Variants in PTPRD observed in about 807,000 individuals in gnomAD.
PTPRD encodes the protein protein tyrosine phosphatase receptor type D.
In PTPRD, 34 loss-of-function variants were observed where a neutral mutation model predicts 214.5. That is an observed-to-expected ratio of 0.16 (90% CI 0.12 to 0.21). The LOEUF (loss-of-function observed/expected upper bound fraction) is 0.21, where lower values mean the gene tolerates loss of function less well. Among genes scored for constraint, PTPRD ranks in the 10% least tolerant of loss-of-function variants. The pLI is 1.00. For missense variants in PTPRD, 2,545 were observed against 2,398.7 expected (o/e 1.06, Z -1.27); for synonymous variants, 1,128 against 845.7 (o/e 1.33, Z -5.79).
chr9:9,716,659 G>A (rs1009781314), intron 7 of PTPRD, among the ~76,000 whole-genome samples: 4 of 152,312 alleles, frequency 2.6e-5, no homozygotes, highest in Non-Finnish European at 1.5e-5. Context: ...CTTCTTTAGA[G>A]AAGTGTCTGT....
intron 12 of PTPRD, among the ~76,000 whole-genome samples, chr9:8,693,888 C>T (rs1274990278): frequency 6.6e-6 from 1 of 152,172 alleles, no homozygotes; most frequent in Non-Finnish European, 1.5e-5. Flanking sequence ...TCTCTATAGA[C>T]TTGTTAATAG....
chr9:9,842,806 T>G (rs2058652197), intron 5 of PTPRD, among the ~76,000 whole-genome samples: 1 of 152,048 alleles, frequency 6.6e-6, no homozygotes, highest in Admixed American at 6.6e-5. Context: ...GGGAATGTCT[T>G]TTTACGTATT....
chr9:9,328,577 AATTTTCTTTTTGATCAC>A (rs2040978791), intron 9 of PTPRD, among the ~76,000 whole-genome samples: 1 of 148,254 alleles, frequency 6.7e-6, no homozygotes, highest in Non-Finnish European at 1.5e-5. Context: ...AACATGGTCA[AATTTTCTTTTTGATCAC>A]ATTTTCTTTT....
chr9:9,751,555 A>T (rs141991776), intron 6 of PTPRD, among the ~76,000 whole-genome samples: 64 of 152,304 alleles, frequency 4.2e-4, no homozygotes, highest in East Asian at 1.5e-3. Context: ...TTAACAGAGG[A>T]AATCAAATTA....
intron 2 of PTPRD, among the ~76,000 whole-genome samples, chr9:10,503,200 A>AAAAAAAAC (rs1167486069): frequency 2.5e-5 from 3 of 122,094 alleles, no homozygotes; most frequent in East Asian, 2.1e-4. Flanking sequence ...ATACAAAAAA[A>AAAAAAAAC]AAAAAAACAA....
At chr9:10,245,168 C>G (rs1048302790) in intron 3 of PTPRD, among the ~76,000 whole-genome samples, 4 of 152,030 alleles carry the variant, frequency 2.6e-5, no homozygotes, top group Non-Finnish European at 4.4e-5. Context: ...CTCAGCTGAG[C>G]AAAATGTAGA....
intron 5 of PTPRD, among the ~76,000 whole-genome samples, chr9:9,769,317 CTTTTTTT>C (rs34497562): frequency 5.7e-5 from 4 of 69,594 alleles, no homozygotes; most frequent in African/African-American, 2.3e-4. Flanking sequence ...ACCAGAAGCC[CTTTTTTT>C]TTTTTTTTTT....
chr9:9,196,561 G>C (rs572141238), intron 9 of PTPRD, among the ~76,000 whole-genome samples: 1 of 152,026 alleles, frequency 6.6e-6, no homozygotes, highest in Non-Finnish European at 1.5e-5. Flanking sequence ...TACTTTATAC[G>C]GTTATGCCAT....
At chr9:9,627,687 G>C (rs997709972) in intron 7 of PTPRD, among the ~76,000 whole-genome samples, 1 of 152,204 alleles carries the variant, frequency 6.6e-6, no homozygotes, top group Non-Finnish European at 1.5e-5. Flanking sequence ...CAGTGGTAGA[G>C]AGAGAGAGCT....
At chr9:9,742,916 C>G (rs1338327202) in intron 6 of PTPRD, among the ~76,000 whole-genome samples, 2 of 152,106 alleles carry the variant, frequency 1.3e-5, no homozygotes, top group South Asian at 2.1e-4. Flanking sequence ...ATAGAGAGAC[C>G]TAAAATCAAT....
chr9:10,232,239 C>T lies in PTPRD; in HGVS notation c.-545+108724G>A, dbSNP rs137905483. Among the ~76,000 whole-genome samples, 728 of 151,894 alleles carry T rather than the reference C, an allele frequency of 4.8e-3. 11 individuals carry two copies. The highest frequency in any genetic ancestry group is 0.016 in the African/African-American group (683 of 41,446). ...ACCTTTTTTCCTTTATAAGTTTCTCCGGTTCAGGTATTCTGTTACAGCCAC... is the reference window on the plus strand; with the variant it reads ...ACCTTTTTTCCTTTATAAGTTTCTCTGGTTCAGGTATTCTGTTACAGCCAC... On this transcript the variant is annotated intron_variant, in intron 3 of 45. Transcript: ENST00000381196.
intron 7 of PTPRD, among the ~76,000 whole-genome samples, chr9:9,651,544 T>C (rs2096350285): frequency 6.6e-6 from 1 of 152,136 alleles, no homozygotes; most frequent in African/African-American, 2.4e-5. Context: ...GACCTCCAGC[T>C]CCATCCATGT....
intron 3 of PTPRD, among the ~76,000 whole-genome samples, chr9:10,054,780 T>C (rs574500280): frequency 1.3e-5 from 2 of 152,250 alleles, no homozygotes; most frequent in Admixed American, 6.5e-5. Flanking sequence ...TAAAGTTGAA[T>C]ACAGTCTTTT....
chr9:9,268,578 C>T (rs1941266818), intron 9 of PTPRD, among the ~76,000 whole-genome samples: 1 of 151,044 alleles, frequency 6.6e-6, no homozygotes, highest in East Asian at 2.0e-4. Context: ...TTGAGAAGAA[C>T]AAAGCTGGAG....
intron 11 of PTPRD, among the ~76,000 whole-genome samples, chr9:8,858,877 G>A (rs906817741): frequency 2.6e-5 from 4 of 151,858 alleles, no homozygotes. Context: ...GGAGGGGGCG[G>A]GGTGACGTCA....
At chr9:8,568,594 A>G (rs975910508) in intron 14 of PTPRD, among the ~76,000 whole-genome samples, 2 of 152,152 alleles carry the variant, frequency 1.3e-5, no homozygotes, top group African/African-American at 4.8e-5. Context: ...AGTAGGAGAG[A>G]AAGGTCAGGG....
chr9:8,876,936 AT>A (rs920295887), intron 11 of PTPRD, among the ~76,000 whole-genome samples: 1 of 148,724 alleles, frequency 6.7e-6, no homozygotes, highest in South Asian at 2.1e-4. Flanking sequence ...CTTTTTCTTT[AT>A]TTTTTTTTGA....
chr9:8,578,532 A>T (rs564721720), intron 14 of PTPRD, among the ~76,000 whole-genome samples: 2 of 152,330 alleles, frequency 1.3e-5, no homozygotes, highest in East Asian at 3.9e-4. Context: ...GGCTGTCAAT[A>T]CAACAAAATG....
chr9:8,630,837 G>C (rs78658272), intron 14 of PTPRD, among the ~76,000 whole-genome samples: 13,111 of 151,846 alleles, frequency 0.086, 691 homozygotes, highest in East Asian at 0.18. Context: ...GTGATATTTT[G>C]CTCCAATTTT....
Sources: allele counts gnomAD v4.1 joint callset (sites outside exome capture counted in the v4.1 genomes callset), GRCh38; gene constraint gnomAD v4.1.1; transcripts MANE v1.5; gene names NCBI Gene and HGNC (gene_info 2026-07-23, HGNC 2026-07-21).